The following ESRRG variants were observed in gnomAD, a reference collection of about 807,000 sequenced individuals.
ESRRG encodes the protein estrogen-related receptor gamma.
A neutral mutation model predicts 44.0 loss-of-function variants in ESRRG; 13 were observed. That is an observed-to-expected ratio of 0.30 (90% CI 0.19 to 0.47). The LOEUF (loss-of-function observed/expected upper bound fraction) is 0.47, where lower values mean the gene tolerates loss of function less well. Among genes scored for constraint, ESRRG ranks in the 20% least tolerant of loss-of-function variants. The pLI, the probability that ESRRG is intolerant of heterozygous loss-of-function variation, is 1.00. For missense variants in ESRRG, 395 were observed against 580.6 expected (o/e 0.68, Z 3.29); for synonymous variants, 215 against 214.6 (o/e 1.00, Z -0.02).
chr1:216,691,852 C>A (rs965853618), intron 1 of ESRRG, among the ~76,000 whole-genome samples: 2 of 152,102 alleles, frequency 1.3e-5, no homozygotes, highest in African/African-American at 4.8e-5. Context: ...GTCACAAATA[C>A]GACACTGGTC....
At chr1:217,132,479 T>C (rs1332767514) in intron 1 of ESRRG, among the ~76,000 whole-genome samples, 1 of 152,166 alleles carries the variant, frequency 6.6e-6, no homozygotes, top group Non-Finnish European at 1.5e-5. Context: ...CATAAAGTTA[T>C]CTTGGTCTGG....
At chr1:216,795,387 A>T (rs2094445641) in intron 2 of ESRRG, among the ~76,000 whole-genome samples, 2 of 123,930 alleles carry the variant, frequency 1.6e-5, no homozygotes, top group Admixed American at 1.0e-4. Flanking sequence ...TTTGTCACCC[A>T]GGCTGGAGTG....
intron 2 of ESRRG, among the ~76,000 whole-genome samples, chr1:216,828,654 G>A (rs528521826): frequency 6.6e-6 from 1 of 152,120 alleles, no homozygotes; most frequent in Non-Finnish European, 1.5e-5. Flanking sequence ...TAGAAAACTC[G>A]GGCACAGGGA....
intron 1 of ESRRG, among the ~76,000 whole-genome samples, chr1:216,942,784 T>C (rs1295747540): frequency 6.6e-6 from 1 of 152,210 alleles, no homozygotes; most frequent in African/African-American, 2.4e-5. Context: ...TGTTCAGTTG[T>C]TCAAGTTCCT....
chr1:216,517,683 A>G (rs2044754196), intron 6 of ESRRG, among the ~76,000 whole-genome samples: 1 of 152,198 alleles, frequency 6.6e-6, no homozygotes, highest in Admixed American at 6.6e-5. Flanking sequence ...TGTGAAGTCC[A>G]TACAAACTAA....
chr1:216,667,451 C>T (rs2074177801), intron 2 of ESRRG, among the ~76,000 whole-genome samples: 1 of 151,836 alleles, frequency 6.6e-6, no homozygotes, highest in African/African-American at 2.4e-5. Context: ...ATCGGGAGAC[C>T]AAGGCGGGTG....
At chr1:216,753,926 T>G (rs1405647399) in intron 2 of ESRRG, among the ~76,000 whole-genome samples, 2 of 152,018 alleles carry the variant, frequency 1.3e-5, no homozygotes, top group Non-Finnish European at 2.9e-5. Flanking sequence ...TGATCTTTCA[T>G]GCAACATAAA....
chr1:216,874,999 G>A (rs951350547), intron 2 of ESRRG, among the ~76,000 whole-genome samples: 10 of 152,084 alleles, frequency 6.6e-5, no homozygotes, highest in Non-Finnish European at 8.8e-5. Context: ...CTGCACTATC[G>A]GTTTCCTTAC....
At chr1:216,564,019 C>G (rs2059251825) in intron 5 of ESRRG, among the ~76,000 whole-genome samples, 200 bp downstream of exon 5, 1 of 152,060 alleles carries the variant, frequency 6.6e-6, no homozygotes, top group Non-Finnish European at 1.5e-5. Context: ...CTAACAAGAA[C>G]TCAAGGTGGT....
chr1:217,081,221 C>CCTTTTTTTT (rs750003890), intron 1 of ESRRG, among the ~76,000 whole-genome samples: 2 of 70,416 alleles, frequency 2.8e-5, no homozygotes, highest in African/African-American at 6.0e-5. Flanking sequence ...TAAAAATATT[C>CCTTTTTTTT]TTTTTTTTTT....
intron 2 of ESRRG, among the ~76,000 whole-genome samples, chr1:216,841,789 T>A (rs1179986417): frequency 2.0e-5 from 3 of 152,134 alleles, no homozygotes; most frequent in African/African-American, 7.2e-5. Context: ...ACATGTTGGT[T>A]CATCTGGGTT....
At chr1:217,107,134 T>C (rs2092606892) in intron 1 of ESRRG, among the ~76,000 whole-genome samples, 1 of 152,244 alleles carries the variant, frequency 6.6e-6, no homozygotes, top group Non-Finnish European at 1.5e-5. Flanking sequence ...ATTAATAGTC[T>C]GGCTTAATCT....
At chr1:217,097,947 G>T (rs765495310) in intron 1 of ESRRG, among the ~76,000 whole-genome samples, 13 of 151,512 alleles carry the variant, frequency 8.6e-5, no homozygotes, top group Non-Finnish European at 1.0e-4. Flanking sequence ...AAATCCTAAT[G>T]CCCCAGTCAC....
intron 2 of ESRRG, among the ~76,000 whole-genome samples, chr1:216,654,003 G>T (rs1401951735): frequency 6.6e-6 from 1 of 151,054 alleles, no homozygotes; most frequent in Non-Finnish European, 1.5e-5. Context: ...TGAACCTTTA[G>T]TCCCAGCCTC....
At chr1:216,947,871 G>A (rs1212298774) in intron 1 of ESRRG, among the ~76,000 whole-genome samples, 2 of 152,098 alleles carry the variant, frequency 1.3e-5, no homozygotes, top group African/African-American at 2.4e-5. Flanking sequence ...CATGGAAAGA[G>A]AGCAGAAGTG....
intron 1 of ESRRG, among the ~76,000 whole-genome samples, chr1:217,098,550 G>A (rs2092459074): frequency 6.6e-6 from 1 of 152,084 alleles, no homozygotes; most frequent in South Asian, 2.1e-4. Context: ...CTGATGATGG[G>A]CAAGTAGGAG....
At chr1:216,687,863 T>A (rs71643421) in intron 1 of ESRRG, among the ~76,000 whole-genome samples, 1 of 152,178 alleles carries the variant, frequency 6.6e-6, no homozygotes, top group Non-Finnish European at 1.5e-5. Flanking sequence ...GTGCTAGTTT[T>A]GGTGATTGCT....
rs533040143 is a variant in ESRRG at position 217,069,901 on chromosome 1, A to G, written c.-106+19606T>C. 1.4e-4 allele frequency among the ~76,000 whole-genome samples: 21 copies of G among 152,318 alleles called. 1 individual carries two copies. Among genetic ancestry groups the G allele is most frequent in the African/African-American group, 4.8e-4 (20 of 41,584 alleles). The stretch of plus-strand genomic sequence containing the variant: ...AATCACAACCCTCACATCATTCCTT[A>G]AAGACCAGATGATGGTGTCCCAGAC... On this transcript the variant is annotated intron_variant, in intron 1 of 7. Transcript: ENST00000359162.
intron 5 of ESRRG, among the ~76,000 whole-genome samples, chr1:216,540,674 G>T (rs373559880): frequency 4.3e-4 from 66 of 152,000 alleles, no homozygotes; most frequent in Admixed American, 1.7e-3. Flanking sequence ...GTTTCTCTAG[G>T]ATCAAGACCT....
Sources: allele counts gnomAD v4.1 joint callset (sites outside exome capture counted in the v4.1 genomes callset), GRCh38; gene constraint gnomAD v4.1.1; transcripts MANE v1.5; gene names NCBI Gene and HGNC (gene_info 2026-07-23, HGNC 2026-07-21).